MDGA2: variants seen among roughly 807,000 people sequenced by gnomAD.
MDGA2 encodes the protein MAM domain containing glycosylphosphatidylinositol anchor 2, also known as MAM domain-containing glycosylphosphatidylinositol anchor protein 2.
MDGA2 carries 40 observed loss-of-function variants against 117.8 expected under a neutral mutation model. The observed-to-expected ratio is 0.34, with a 90% CI of 0.26 to 0.44. The LOEUF is 0.44. MDGA2 is among the 20% of genes least tolerant of loss of function. MDGA2 has a pLI of 1.00. For missense variants in MDGA2, 1,123 were observed against 1,250.6 expected (o/e 0.90, Z 1.54); for synonymous variants, 452 against 439.0 (o/e 1.03, Z -0.37).
At chr14:47,059,549 A>G (rs956030510) in intron 7 of MDGA2, among the ~76,000 whole-genome samples, 3 of 152,116 alleles carry the variant, frequency 2.0e-5, no homozygotes, top group African/African-American at 7.2e-5. Flanking sequence ...AACAGGCAAT[A>G]TAACTAGTAT....
intron 1 of MDGA2, among the ~76,000 whole-genome samples, chr14:47,304,324 G>A (rs936662024): frequency 2.0e-5 from 3 of 152,256 alleles, no homozygotes; most frequent in Non-Finnish European, 2.9e-5. Context: ...GTGGCTAAAC[G>A]AGACCAAAGC....
At chr14:46,866,380 C>CA (rs1163174904) in intron 14 of MDGA2, among the ~76,000 whole-genome samples, 3 of 152,066 alleles carry the variant, frequency 2.0e-5, no homozygotes, top group Non-Finnish European at 4.4e-5. Context: ...ACACCTTATA[C>CA]AAAAATCAAT....
At chr14:47,106,397 G>C (rs4438217) in intron 5 of MDGA2, among the ~76,000 whole-genome samples, 78,337 of 150,660 alleles carry the variant, frequency 0.52, 20,814 homozygotes, top group African/African-American at 0.64. Flanking sequence ...AACTTCCAAA[G>C]GCCTGAACCG....
intron 1 of MDGA2, among the ~76,000 whole-genome samples, chr14:47,464,846 GA>G (rs1169080591): frequency 2.0e-5 from 3 of 151,572 alleles, no homozygotes; most frequent in Non-Finnish European, 4.4e-5. Flanking sequence ...CATACTGAAC[GA>G]AAAAAGCTAA....
At chr14:47,660,983 C>A (rs570590294) in intron 1 of MDGA2, among the ~76,000 whole-genome samples, 1 of 151,928 alleles carries the variant, frequency 6.6e-6, no homozygotes, top group Non-Finnish European at 1.5e-5. Context: ...AGAAAGAAAA[C>A]CATATGGTAT....
chr14:47,048,277 A>C (rs1889334224), intron 7 of MDGA2, among the ~76,000 whole-genome samples: 1 of 152,088 alleles, frequency 6.6e-6, no homozygotes, highest in South Asian at 2.1e-4. Context: ...CTGGTGGATA[A>C]AGGAATTCTA....
intron 2 of MDGA2, among the ~76,000 whole-genome samples, chr14:47,253,231 T>A (rs1887506263): frequency 6.6e-6 from 1 of 152,160 alleles, no homozygotes; most frequent in South Asian, 2.1e-4. Flanking sequence ...CAATCATGAC[T>A]TCCCAACAGT....
chr14:47,031,231 C>T (rs4900723), intron 8 of MDGA2, among the ~76,000 whole-genome samples: 53,937 of 107,234 alleles, frequency 0.5, 10,355 homozygotes, highest in East Asian at 0.66. Flanking sequence ...TATATATATA[C>T]ACACACACAC....
intron 6 of MDGA2, among the ~76,000 whole-genome samples, chr14:47,078,201 G>T (rs1890566803): frequency 6.6e-6 from 1 of 151,976 alleles, no homozygotes; most frequent in African/African-American, 2.4e-5. Context: ...GTAGAGACTG[G>T]GGATCTAGAT....
intron 1 of MDGA2, among the ~76,000 whole-genome samples, chr14:47,377,368 G>C (rs1483345633): frequency 6.6e-6 from 1 of 152,140 alleles, no homozygotes; most frequent in East Asian, 1.9e-4. Flanking sequence ...GGTCTTGTCA[G>C]ACAGTGGGTG....
chr14:47,250,214 T>C (rs911771749), intron 2 of MDGA2, among the ~76,000 whole-genome samples: 73 of 152,174 alleles, frequency 4.8e-4, no homozygotes, highest in African/African-American at 1.7e-3. Flanking sequence ...ACTTTACTGC[T>C]AAAGGCAGAA....
At chr14:47,226,375 C>T (rs925509502) in intron 2 of MDGA2, among the ~76,000 whole-genome samples, 5 of 151,866 alleles carry the variant, frequency 3.3e-5, no homozygotes, top group African/African-American at 4.8e-5. Flanking sequence ...GGTAAAATAG[C>T]GGGGCGAGGA....
At chr14:46,860,821 A>G (rs1222071162) in intron 14 of MDGA2, among the ~76,000 whole-genome samples, 1 of 151,798 alleles carries the variant, frequency 6.6e-6, no homozygotes, top group Non-Finnish European at 1.5e-5. Flanking sequence ...CGTAAAGTTC[A>G]TATTCTTATA....
chr14:46,874,332 T>C, intron 12 of MDGA2, 132 bp from the exon 13 acceptor site: 1 of 407,472 alleles, frequency 2.5e-6, no homozygotes, highest in Non-Finnish European at 4.2e-6. Flanking sequence ...AGAGCCATAA[T>C]GGTGCAGAAG....
intron 2 of MDGA2, among the ~76,000 whole-genome samples, chr14:47,241,997 A>G (rs1465959304): frequency 6.6e-6 from 1 of 151,842 alleles, no homozygotes; most frequent in African/African-American, 2.4e-5. Context: ...AAAAAATGAG[A>G]TGGTGCATAG....
chr14:46,928,370 G>T (rs1213066386), intron 9 of MDGA2, among the ~76,000 whole-genome samples: 2 of 152,056 alleles, frequency 1.3e-5, no homozygotes, highest in African/African-American at 4.8e-5. Flanking sequence ...ATTTATGGCT[G>T]AATTCACTTA....
intron 8 of MDGA2, among the ~76,000 whole-genome samples, chr14:46,968,699 T>C (rs1411922085): frequency 6.6e-6 from 1 of 151,162 alleles, no homozygotes; most frequent in Admixed American, 6.6e-5. Context: ...TAGTTGGGTA[T>C]GGTGGTGTGT....
At chr14:46,941,007 C>T (rs1435942702) in intron 9 of MDGA2, among the ~76,000 whole-genome samples, 1 of 152,062 alleles carries the variant, frequency 6.6e-6, no homozygotes, top group Non-Finnish European at 1.5e-5. Context: ...TAAAGGAAAC[C>T]GGTTATTGAA....
chr14:46,910,708 T>C (rs181422236), intron 10 of MDGA2, among the ~76,000 whole-genome samples: 75 of 152,278 alleles, frequency 4.9e-4, no homozygotes, highest in Non-Finnish European at 7.8e-4. Context: ...CTTAATGACA[T>C]GATCCTGTAT....
Sources: allele counts gnomAD v4.1 joint callset (sites outside exome capture counted in the v4.1 genomes callset), GRCh38; gene constraint gnomAD v4.1.1; transcripts MANE v1.5; gene names NCBI Gene and HGNC (gene_info 2026-07-23, HGNC 2026-07-21).